SEPTIN7: variants seen among roughly 807,000 people sequenced by gnomAD.
The protein encoded by SEPTIN7 is septin 7, also known as septin-7.
SEPTIN7 carries 10 observed loss-of-function variants against 63.3 expected under a neutral mutation model. The ratio of observed to expected loss-of-function variants is 0.16; its 90% CI spans 0.10 to 0.27. The LOEUF (loss-of-function observed/expected upper bound fraction) is 0.27, where lower values mean the gene tolerates loss of function less well. Among genes scored for constraint, SEPTIN7 ranks in the 10% least tolerant of loss-of-function variants. The probability of loss-of-function intolerance (pLI) is 1.00; values close to 1 mark genes in which losing one functional copy is unlikely to be tolerated. For synonymous variants in SEPTIN7, 131 were observed against 165.3 expected (o/e 0.79, Z 1.59); for missense variants, 310 against 521.0 (o/e 0.59, Z 3.94).
chr7:35,846,647 C>G (rs6462630), intron 3 of SEPTIN7: 159 of 152,678 alleles, frequency 1.0e-3, no homozygotes, highest in South Asian at 1.9e-3. Flanking sequence ...TACCCCACCC[C>G]CAAGCCTCAG....
intron 8 of SEPTIN7, among the ~76,000 whole-genome samples, chr7:35,883,544 C>T (rs950806937): frequency 2.7e-5 from 4 of 148,902 alleles, no homozygotes; most frequent in East Asian, 2.0e-4. Flanking sequence ...ATTAGCCCCC[C>T]GCTTTTTTTC....
chr7:35,802,834 G>C (rs937246604), intron 1 of SEPTIN7, among the ~76,000 whole-genome samples: 20 of 152,158 alleles, frequency 1.3e-4, no homozygotes, highest in African/African-American at 4.3e-4. Context: ...CGGTCGTGGC[G>C]GGAGAGCAGT....
At chr7:35,907,207 G>A (rs575080075), downstream of SEPTIN7, 1 of 152,212 alleles carries the variant, frequency 6.6e-6, no homozygotes, top group South Asian at 2.1e-4. Flanking sequence ...GAAGGTCCTA[G>A]TGAAGACTGC....
intron 12 of SEPTIN7, 60 bp from the exon 13 acceptor site, chr7:35,903,016 A>G (rs1395682932): frequency 6.7e-7 from 1 of 1,499,520 alleles, no homozygotes; most frequent in Non-Finnish European, 8.9e-7. Flanking sequence ...TCTGGATGAA[A>G]CATACCTCTG....
chr7:35,818,634 A>ACT (rs1208645657), intron 1 of SEPTIN7, among the ~76,000 whole-genome samples: 2 of 151,552 alleles, frequency 1.3e-5, no homozygotes, highest in African/African-American at 2.4e-5. Context: ...TGTGTTAGTT[A>ACT]TTTTTTGTTA....
At chr7:35,809,119 A>G (rs1167999678) in intron 1 of SEPTIN7, among the ~76,000 whole-genome samples, 2 of 152,266 alleles carry the variant, frequency 1.3e-5, no homozygotes, top group Non-Finnish European at 2.9e-5. Flanking sequence ...AATCAAGTTC[A>G]TTCACTTAAC....
intron 3 of SEPTIN7, among the ~76,000 whole-genome samples, chr7:35,839,566 A>ATGTTAT (rs1453682668): frequency 4.0e-5 from 6 of 150,790 alleles, no homozygotes; most frequent in Admixed American, 6.6e-5. Context: ...ATGTTATGTT[A>ATGTTAT]TTTTTGAGAC....
At chr7:35,802,823 A>G (rs542563518) in intron 1 of SEPTIN7, among the ~76,000 whole-genome samples, 7 of 152,248 alleles carry the variant, frequency 4.6e-5, no homozygotes, top group African/African-American at 1.4e-4. Context: ...GGGGGGTGGT[A>G]CGGTCGTGGC....
intron 5 of SEPTIN7, 84 bp from the exon 6 acceptor site, chr7:35,873,557 A>G (rs1464512952): frequency 7.3e-7 from 1 of 1,370,672 alleles, no homozygotes; most frequent in Non-Finnish European, 9.7e-7. Context: ...TGCCCATTTG[A>G]AAATACTGAT....
Position 35,831,506 on chromosome 7 carries a change from C to G in SEPTIN7, c.66+10C>G, listed in dbSNP as rs746857006. 3.9e-5 allele frequency: 18 copies of G among 459,914 alleles called. No individual in the cohort carries two copies. 28.5% of individuals were successfully genotyped at this position (459,914 alleles called of 1,614,324 possible). ...TCTTTACAAAGTAGCTGTGAGTATA[C>G]TACATAATTTATAGAGTTTTTTTCA... On this transcript the variant is annotated intron_variant, in intron 2 of 13. Coordinates refer to ENST00000350320, the MANE Select transcript of SEPTIN7 (RefSeq NM_001788.6).
chr7:35,836,664 C>G (rs968586963), intron 3 of SEPTIN7, among the ~76,000 whole-genome samples: 4 of 151,992 alleles, frequency 2.6e-5, no homozygotes, highest in East Asian at 3.9e-4. Context: ...TTAGGAGTTA[C>G]TTAGTTAGTG....
Position 35,884,056 on chromosome 7 carries a change from AAGT to A in SEPTIN7, c.820+74_820+76del, listed in dbSNP as rs1179464523. On this transcript the variant is annotated intron_variant, in intron 9 of 13. Coordinates refer to ENST00000350320, the MANE Select transcript of SEPTIN7 (RefSeq NM_001788.6). The stretch of plus-strand genomic sequence containing the variant: ...CTGATTAAAAATTTGTATTTATAGT[AAGT>A]AGTACAGTATGCACACTGTATTGAT... The A allele has an allele frequency of 3.2e-6, 3 of 951,018 alleles. No individual in the cohort carries two copies. The African/African-American group carries it at 4.8e-5, about 15-fold the overall frequency. 58.9% of individuals were successfully genotyped at this position (951,018 alleles called of 1,614,324 possible).
intron 9 of SEPTIN7, among the ~76,000 whole-genome samples, chr7:35,885,020 G>T (rs757590385): frequency 8.3e-5 from 12 of 145,332 alleles, no homozygotes; most frequent in East Asian, 2.0e-4. Flanking sequence ...TTTGAACTTC[G>T]TTTTTTTTTT....
At chr7:35,842,156 A>AT (rs1784437178) in intron 3 of SEPTIN7, among the ~76,000 whole-genome samples, 2 of 152,076 alleles carry the variant, frequency 1.3e-5, no homozygotes, top group South Asian at 4.1e-4. Context: ...CAAGTATTAC[A>AT]TTTTTTAATA....
chr7:35,824,735 G>C (rs1189644394), intron 1 of SEPTIN7, among the ~76,000 whole-genome samples: 1 of 152,114 alleles, frequency 6.6e-6, no homozygotes, highest in African/African-American at 2.4e-5. Flanking sequence ...ATAGCAATTT[G>C]ATGCAAGCCA....
At chr7:35,846,730 G>C (rs1784684808) in intron 3 of SEPTIN7, 1 of 156,560 alleles carries the variant, frequency 6.4e-6, no homozygotes, top group Admixed American at 6.5e-5. Context: ...CCTTCCAATG[G>C]GACCTAGAAT....
chr7:35,840,641 T>C (rs541060254), intron 3 of SEPTIN7, among the ~76,000 whole-genome samples: 2 of 152,258 alleles, frequency 1.3e-5, no homozygotes, highest in African/African-American at 4.8e-5. Flanking sequence ...AAGGAAATTT[T>C]TTTTTTCTGA....
rs1453610599 is a variant in SEPTIN7 at position 35,807,380 on chromosome 7, T to A, written c.61+6110T>A. Among the ~76,000 whole-genome samples the A allele has an allele frequency of 1.5e-3, 102 of 67,998 alleles. 1 individual carries two copies. The Middle Eastern group carries it at 0.031, about 21-fold the overall frequency. The allele number at this position is 67,998 out of a possible 152,430, so 44.6% of individuals were successfully genotyped here. A position where few individuals can be genotyped will look rare whatever the true frequency, so the allele number is the denominator to read the frequency against. ...TTTTTTTTTTTTTTTTTTTTTTTTT[T>A]AGATGGAGTCTCTCTGTGTCGCCCA... is the stretch of plus-strand genomic sequence containing the variant. On this transcript the variant is annotated intron_variant, in intron 1 of 13. Transcript: ENST00000350320.
At chr7:35,852,916 T>G (rs978308019) in intron 3 of SEPTIN7, among the ~76,000 whole-genome samples, 7 of 152,146 alleles carry the variant, frequency 4.6e-5, no homozygotes, top group Non-Finnish European at 8.8e-5. Context: ...TATTATTGTA[T>G]CTTGTAAAAT....
Sources: allele counts gnomAD v4.1 joint callset (sites outside exome capture counted in the v4.1 genomes callset), GRCh38; gene constraint gnomAD v4.1.1; transcripts MANE v1.5; gene names NCBI Gene and HGNC (gene_info 2026-07-23, HGNC 2026-07-21).